The following LDAH variants were observed in gnomAD, a reference collection of about 807,000 sequenced individuals.
LDAH encodes lipid droplet associated hydrolase, also known as lipid droplet-associated hydrolase.
In LDAH, 26 loss-of-function variants were observed where a neutral mutation model predicts 29.6. The observed-to-expected ratio is 0.88, with a 90% CI of 0.64 to 1.22. LDAH has a LOEUF of 1.22. Among genes scored for constraint, LDAH ranks in the 50% most tolerant of loss-of-function variants. The probability of loss-of-function intolerance (pLI) is 0.00; values close to 1 mark genes in which losing one functional copy is unlikely to be tolerated. For synonymous variants in LDAH, 117 were observed against 133.0 expected, an observed-to-expected ratio of 0.88 and a Z score of 0.83; for missense variants, 344 against 387.3, an observed-to-expected ratio of 0.89 and a Z score of 0.94.
chr2:20,780,746 T>C (rs1447376631), intron 3 of LDAH, among the ~76,000 whole-genome samples: 1 of 152,204 alleles, frequency 6.6e-6, no homozygotes, highest in Non-Finnish European at 1.5e-5. Flanking sequence ...CTTAACAATT[T>C]GCTTGATTCC....
At chr2:20,757,235 T>G (rs1668400789) in intron 4 of LDAH, among the ~76,000 whole-genome samples, 1 of 151,936 alleles carries the variant, frequency 6.6e-6, no homozygotes, top group Admixed American at 6.6e-5. Flanking sequence ...CTGAAGAGAG[T>G]TTCTGAAAAA....
intron 3 of LDAH, among the ~76,000 whole-genome samples, chr2:20,776,080 G>C (rs1399501428): frequency 6.6e-6 from 1 of 152,102 alleles, no homozygotes; most frequent in Non-Finnish European, 1.5e-5. Context: ...TCACAAGACA[G>C]TCAACTGTTT....
intron 5 of LDAH, among the ~76,000 whole-genome samples, chr2:20,711,084 G>A (rs1018506133): frequency 3.3e-5 from 5 of 152,114 alleles, no homozygotes; most frequent in Admixed American, 6.6e-5. Flanking sequence ...AACTCACATG[G>A]AAAGGACCTG....
At chr2:20,761,188 T>C (rs1471001691) in intron 4 of LDAH, among the ~76,000 whole-genome samples, 4 of 152,170 alleles carry the variant, frequency 2.6e-5, no homozygotes, top group Non-Finnish European at 5.9e-5. Context: ...GTGGTTAATC[T>C]GTATGAACAG....
chr2:20,721,113 G>A (rs1665617272), intron 5 of LDAH, among the ~76,000 whole-genome samples: 3 of 151,938 alleles, frequency 2.0e-5, no homozygotes, highest in African/African-American at 4.8e-5. Flanking sequence ...CAACAAAAGC[G>A]AAAAATAGAC....
At chr2:20,703,322 T>C (rs1380532411) in intron 5 of LDAH, among the ~76,000 whole-genome samples, 1 of 152,220 alleles carries the variant, frequency 6.6e-6, no homozygotes, top group Non-Finnish European at 1.5e-5. Context: ...CTTTTAGCTG[T>C]CCTTCCACCA....
chr2:20,785,967 T>C (rs1458982813), intron 3 of LDAH, among the ~76,000 whole-genome samples: 1 of 152,200 alleles, frequency 6.6e-6, no homozygotes, highest in Non-Finnish European at 1.5e-5. Flanking sequence ...TTACTTTAAA[T>C]TCCCGATCTG....
At chr2:20,799,743 A>G (rs561064860) in intron 2 of LDAH, among the ~76,000 whole-genome samples, 3 of 152,280 alleles carry the variant, frequency 2.0e-5, no homozygotes, top group East Asian at 3.9e-4. Flanking sequence ...CAATTTTAGG[A>G]AAGTTGACTT....
At chr2:20,802,623 A>G (rs1304237250) in intron 1 of LDAH, among the ~76,000 whole-genome samples, 1 of 152,092 alleles carries the variant, frequency 6.6e-6, no homozygotes, top group African/African-American at 2.4e-5. Flanking sequence ...CAGAGTTAAG[A>G]TTCAAAGGGC....
intron 4 of LDAH, among the ~76,000 whole-genome samples, chr2:20,759,387 A>G (rs1245341311): frequency 6.6e-6 from 1 of 152,126 alleles, no homozygotes; most frequent in Admixed American, 6.6e-5. Flanking sequence ...CTGGAATGTG[A>G]GATCTCAAAG....
chr2:20,682,658 C>T (rs1032229760), downstream of LDAH, among the ~76,000 whole-genome samples: 1 of 152,148 alleles, frequency 6.6e-6, no homozygotes, highest in Non-Finnish European at 1.5e-5. Flanking sequence ...AATATTGTGG[C>T]TTTTTATCAC....
At chr2:20,813,319 T>C (rs2125150107) in intron 1 of LDAH, among the ~76,000 whole-genome samples, 1 of 152,348 alleles carries the variant, frequency 6.6e-6, no homozygotes, top group South Asian at 2.1e-4. Context: ...TTTTCATGAA[T>C]GAGTTGCCAG....
chr2:20,705,569 T>C (rs1664240973), intron 5 of LDAH, among the ~76,000 whole-genome samples: 1 of 152,210 alleles, frequency 6.6e-6, no homozygotes, highest in Non-Finnish European at 1.5e-5. Flanking sequence ...TTTTCTTCTA[T>C]AGCCTTTCTC....
intron 1 of LDAH, among the ~76,000 whole-genome samples, chr2:20,813,554 C>T (rs1672646868): frequency 6.6e-6 from 1 of 152,176 alleles, no homozygotes; most frequent in East Asian, 1.9e-4. Context: ...CCCTTAAATA[C>T]CTATGTTCTC....
intron 1 of LDAH, among the ~76,000 whole-genome samples, chr2:20,810,135 C>G (rs923976090): frequency 2.0e-5 from 3 of 152,182 alleles, no homozygotes. Context: ...AAGTCTGGGG[C>G]CTTAGCTGAG....
chr2:20,806,415 A>G (rs1672069149), intron 1 of LDAH, among the ~76,000 whole-genome samples: 1 of 152,198 alleles, frequency 6.6e-6, no homozygotes. Context: ...AGGCACTAGT[A>G]TTAAACCTAC....
At chr2:20,769,086 C>T (rs1022848410) in intron 4 of LDAH, among the ~76,000 whole-genome samples, 5 of 152,146 alleles carry the variant, frequency 3.3e-5, no homozygotes, top group African/African-American at 1.2e-4. Flanking sequence ...GCAACCCAGT[C>T]ACACCACCCA....
At chr2:20,803,206 GC>G (rs1671826518) in intron 1 of LDAH, among the ~76,000 whole-genome samples, 1 of 152,162 alleles carries the variant, frequency 6.6e-6, no homozygotes, top group South Asian at 2.1e-4. Flanking sequence ...GGTCAATAAT[GC>G]CAAGGCTGAA....
intron 6 of LDAH, among the ~76,000 whole-genome samples, chr2:20,699,626 T>C (rs1371817198): frequency 1.3e-5 from 2 of 152,202 alleles, no homozygotes; most frequent in African/African-American, 2.4e-5. Context: ...AATGAAACAA[T>C]GCTTTGTTTC....
Sources: gnomAD v4.1 joint callset for allele counts (sites outside exome capture counted in the v4.1 genomes callset) on GRCh38, gnomAD v4.1.1 for gene constraint, MANE v1.5 for transcripts, NCBI Gene and HGNC (gene_info 2026-07-23, HGNC 2026-07-21) for gene names.